Variants in WDR72 observed in about 807,000 individuals in gnomAD.
The protein encoded by WDR72 is WD repeat domain 72.
WDR72 carries 120 observed loss-of-function variants against 124.2 expected under a neutral mutation model. That is an observed-to-expected ratio of 0.97 (90% CI 0.83 to 1.12). The LOEUF is 1.12. Among genes scored for constraint, WDR72 ranks in the 50% most tolerant of loss-of-function variants. WDR72 has a pLI of 0.00. For synonymous variants in WDR72, 452 were observed against 441.7 expected (o/e 1.02, Z -0.29); for missense variants, 1,387 against 1,278.8 (o/e 1.08, Z -1.29).
chr15:53,642,681 A>T (rs1436077748), intron 14 of WDR72, among the ~76,000 whole-genome samples: 1 of 152,094 alleles, frequency 6.6e-6, no homozygotes, highest in Non-Finnish European at 1.5e-5. Context: ...CTTAAATTAC[A>T]ACATAAACCA....
chr15:53,567,037 G>T (rs946762342), intron 18 of WDR72, among the ~76,000 whole-genome samples: 3 of 151,950 alleles, frequency 2.0e-5, no homozygotes, highest in Non-Finnish European at 4.4e-5. Flanking sequence ...TCCCAGGAGA[G>T]TGTCTGGGAG....
At chr15:53,614,376 ATGATTT>A (rs2013673647) in intron 15 of WDR72, among the ~76,000 whole-genome samples, 1 of 152,128 alleles carries the variant, frequency 6.6e-6, no homozygotes, top group Non-Finnish European at 1.5e-5. Flanking sequence ...TCCAATATAC[ATGATTT>A]TGATTTCTCA....
intron 18 of WDR72, among the ~76,000 whole-genome samples, chr15:53,536,211 A>G (rs1159605722): frequency 6.6e-6 from 1 of 151,958 alleles, no homozygotes; most frequent in East Asian, 1.9e-4. Context: ...TTTACCAGTC[A>G]CCCTCCAAAG....
upstream of WDR72, among the ~76,000 whole-genome samples, chr15:53,760,998 C>A (rs1349001724): frequency 2.0e-5 from 3 of 151,938 alleles, no homozygotes; most frequent in African/African-American, 4.8e-5. Flanking sequence ...GTGGTGTGTG[C>A]CTGTAGTCGA....
At chr15:53,717,844 T>G (rs529349205) in intron 3 of WDR72, among the ~76,000 whole-genome samples, 4 of 152,270 alleles carry the variant, frequency 2.6e-5, no homozygotes, top group Non-Finnish European at 5.9e-5. Flanking sequence ...CCAGCCTCAT[T>G]CCAAAAAGAT....
chr15:53,658,996 G>C (rs563614704), intron 14 of WDR72, among the ~76,000 whole-genome samples: 1 of 152,304 alleles, frequency 6.6e-6, no homozygotes, highest in African/African-American at 2.4e-5. Context: ...AACAGCTGGA[G>C]TCAAATTGCA....
intron 18 of WDR72, among the ~76,000 whole-genome samples, chr15:53,524,549 A>G (rs553401554): frequency 1.1e-4 from 16 of 152,134 alleles, no homozygotes; most frequent in East Asian, 5.8e-4. Flanking sequence ...TCCTCCACTT[A>G]TTTTAATGAA....
At position 53,515,398 on chromosome 15, in the gene WDR72, G is replaced by A. The variant is rs573632018; in HGVS notation, c.*2301C>T. 6.6e-6 allele frequency: 1 copy of A among 152,180 alleles called. No homozygotes were observed. Among genetic ancestry groups the A allele is most frequent in the East Asian group, 1.9e-4 (1 of 5,162 alleles). The allele number at this position is 152,180 out of a possible 1,614,324, so 9.4% of individuals were successfully genotyped here. On this transcript the variant is annotated 3_prime_UTR_variant, in exon 20 of 20. Transcript: ENST00000360509. ...TGCTATTTCAAGTCCTCTCATAACA[G>A]AAATTACTGAAATATGTGGAACACC...
intron 1 of WDR72, among the ~76,000 whole-genome samples, chr15:53,745,333 G>A (rs1301777986): frequency 1.3e-5 from 2 of 152,072 alleles, no homozygotes; most frequent in Non-Finnish European, 2.9e-5. Flanking sequence ...TCACTTTCTA[G>A]CAATACCTTT....
Position 53,636,432 on chromosome 15 carries a change from C to T in WDR72, c.1963-20189G>A, listed in dbSNP as rs541456370. Among the ~76,000 whole-genome samples, 77 of 152,228 alleles carry T rather than the reference C, an allele frequency of 5.1e-4. 1 individual carries two copies. The highest frequency in any genetic ancestry group is 1.8e-3 in the African/African-American group (73 of 41,548). ...GAATACCCAAACTACAAACTAACTT[C>T]ACTGAAACTTTTTAAAAATTAAATT... On this transcript the variant is annotated intron_variant, in intron 14 of 19. Coordinates refer to ENST00000360509, the MANE Select transcript of WDR72 (RefSeq NM_182758.4).
At chr15:53,567,877 C>T (rs4776159) in intron 18 of WDR72, among the ~76,000 whole-genome samples, 94,388 of 151,224 alleles carry the variant, frequency 0.62, 31,609 homozygotes, top group Middle Eastern at 0.83. Flanking sequence ...ATTTTATCAA[C>T]AGATAAAAAA....
chr15:53,663,852 A>T (rs781188627), intron 14 of WDR72, among the ~76,000 whole-genome samples: 2 of 149,206 alleles, frequency 1.3e-5, no homozygotes, highest in Non-Finnish European at 2.9e-5. Flanking sequence ...TTCCCACCTT[A>T]TGTTCAGCTG....
intron 3 of WDR72, 84 bp from the exon 4 acceptor site, chr15:53,716,769 A>AGTTCTGCACTTAAGT: frequency 1.0e-6 from 1 of 955,682 alleles, no homozygotes; most frequent in South Asian, 1.3e-5. Context: ...GTTTTTCTTT[A>AGTTCTGCACTTAAGT]GCAGCCTGAT....
chr15:53,591,795 C>G (rs1243912390), intron 18 of WDR72, among the ~76,000 whole-genome samples: 3 of 151,596 alleles, frequency 2.0e-5, no homozygotes, highest in Non-Finnish European at 4.4e-5. Flanking sequence ...TTTTCTCAAG[C>G]TTGCATTATT....
chr15:53,694,963 C>T lies in WDR72; in HGVS notation c.1765+4787G>A, dbSNP rs2016958476. On this transcript the variant is annotated intron_variant, in intron 13 of 19. Coordinates refer to ENST00000360509, the MANE Select transcript of WDR72 (RefSeq NM_182758.4). ...TTTTATTGGAACACAGCGTCACCCT[C>T]TCCTTTATGTAGTGTCTATGGCTTC... Among the ~76,000 whole-genome samples, 5 of 152,180 alleles carry T rather than the reference C, an allele frequency of 3.3e-5. No homozygotes were observed. In the South Asian group the frequency reaches 1.0e-3, roughly 32 times the overall value.
chr15:53,569,585 A>G (rs1031951179), intron 18 of WDR72, among the ~76,000 whole-genome samples: 2 of 152,074 alleles, frequency 1.3e-5, no homozygotes, highest in Non-Finnish European at 2.9e-5. Flanking sequence ...TCTAATATCT[A>G]TACATCAGCT....
At chr15:53,626,765 C>A (rs1170586838) in intron 14 of WDR72, among the ~76,000 whole-genome samples, 2 of 152,106 alleles carry the variant, frequency 1.3e-5, no homozygotes, top group Non-Finnish European at 2.9e-5. Context: ...AGCTAAGTTG[C>A]AAGCTCCATG....
chr15:53,756,337 C>T (rs1479422925), intron 1 of WDR72, among the ~76,000 whole-genome samples: 1 of 152,200 alleles, frequency 6.6e-6, no homozygotes, highest in Non-Finnish European at 1.5e-5. Flanking sequence ...CCTGAGGCCT[C>T]CCCAGCCACG....
At chr15:53,695,862 C>A (rs2016986658) in intron 13 of WDR72, among the ~76,000 whole-genome samples, 1 of 152,180 alleles carries the variant, frequency 6.6e-6, no homozygotes, top group Admixed American at 6.5e-5. Context: ...AGAATAGGCT[C>A]TTATAAAGTA....
Sources: allele counts gnomAD v4.1 joint callset (sites outside exome capture counted in the v4.1 genomes callset), GRCh38; gene constraint gnomAD v4.1.1; transcripts MANE v1.5; gene names NCBI Gene and HGNC (gene_info 2026-07-23, HGNC 2026-07-21).